Variants in FAM135B observed in about 807,000 individuals in gnomAD.
The protein encoded by FAM135B is protein FAM135B.
A neutral mutation model predicts 127.7 loss-of-function variants in FAM135B; 43 were observed. The observed-to-expected ratio is 0.34, with a 90% CI of 0.26 to 0.43. The LOEUF is 0.43. Ranked by LOEUF, FAM135B falls within the 20% of genes least tolerant of loss-of-function variation. The pLI is 1.00. For missense variants in FAM135B, 1,558 were observed against 1,725.6 expected (o/e 0.90, Z 1.72); for synonymous variants, 670 against 665.1 (o/e 1.01, Z -0.11).
intron 14 of FAM135B, 145 bp from the exon 15 acceptor site, chr8:138,146,195 A>G: frequency 3.5e-6 from 2 of 576,408 alleles, no homozygotes; most frequent in Non-Finnish European, 6.2e-6. Context: ...TAAACAACTA[A>G]AACAGCTAGA....
intron 2 of FAM135B, among the ~76,000 whole-genome samples, chr8:138,336,922 C>T (rs1828639866): frequency 6.6e-6 from 1 of 152,190 alleles, no homozygotes; most frequent in African/African-American, 2.4e-5. Context: ...ATCAAGTGGG[C>T]TTCATCCCTG....
chr8:138,298,733 A>G (rs1825651987), intron 3 of FAM135B, among the ~76,000 whole-genome samples: 1 of 152,188 alleles, frequency 6.6e-6, no homozygotes, highest in Admixed American at 6.5e-5. Context: ...TGGCTAGGCC[A>G]TAGGCTCATT....
chr8:138,304,046 G>C (rs1434550888), intron 3 of FAM135B, among the ~76,000 whole-genome samples: 1 of 152,186 alleles, frequency 6.6e-6, no homozygotes. Flanking sequence ...ACTTATGATG[G>C]GTGTGCTGTC....
chr8:138,323,311 A>C (rs1218716440), intron 2 of FAM135B, among the ~76,000 whole-genome samples: 1 of 152,146 alleles, frequency 6.6e-6, no homozygotes, highest in Non-Finnish European at 1.5e-5. Flanking sequence ...TTCTCAGGGG[A>C]ATTACTATAC....
At chr8:138,472,558 G>T (rs2131656542) in intron 1 of FAM135B, among the ~76,000 whole-genome samples, 1 of 152,284 alleles carries the variant, frequency 6.6e-6, no homozygotes, top group South Asian at 2.1e-4. Flanking sequence ...ACAACGGAAG[G>T]AGGGTATAAT....
rs931744931 is a variant in FAM135B, at chr8:138,245,531, G to T, written c.543-2463C>A. ...TCCTTGCTGCCGCCATGTGCAGAAG[G>T]ACATGTTTGCCTCCCCTTCCACCAT... On this transcript the variant is annotated intron_variant, in intron 6 of 19. Coordinates refer to ENST00000395297, the MANE Select transcript of FAM135B (RefSeq NM_015912.4). 5.3e-5 allele frequency among the ~76,000 whole-genome samples: 8 copies of T among 152,236 alleles called. No homozygotes were observed. The East Asian group carries it at 1.4e-3, about 26-fold the overall frequency.
chr8:138,248,421 G>A (rs1469809126), intron 6 of FAM135B, among the ~76,000 whole-genome samples: 1 of 152,154 alleles, frequency 6.6e-6, no homozygotes, highest in Non-Finnish European at 1.5e-5. Context: ...AAAGCTTAGT[G>A]ACACCCACCT....
chr8:138,358,747 G>A (rs928853780), intron 2 of FAM135B, among the ~76,000 whole-genome samples: 4 of 152,060 alleles, frequency 2.6e-5, no homozygotes, highest in East Asian at 1.9e-4. Flanking sequence ...AGTGAGAACC[G>A]TCAAGTACCT....
At chr8:138,189,113 G>A (rs1815871860) in intron 9 of FAM135B, among the ~76,000 whole-genome samples, 1 of 152,194 alleles carries the variant, frequency 6.6e-6, no homozygotes, top group Non-Finnish European at 1.5e-5. Flanking sequence ...AACAGAGAGA[G>A]GAGAAGAGGA....
intron 2 of FAM135B, among the ~76,000 whole-genome samples, chr8:138,362,283 C>CTTTTTT (rs34005300): frequency 1.0e-5 from 1 of 99,198 alleles, no homozygotes. Flanking sequence ...ACCCCCATAT[C>CTTTTTT]TTTTTTTTTT....
intron 2 of FAM135B, among the ~76,000 whole-genome samples, chr8:138,312,485 C>A (rs1054484642): frequency 1.3e-5 from 2 of 152,092 alleles, no homozygotes; most frequent in Non-Finnish European, 2.9e-5. Flanking sequence ...ATATCCCAGA[C>A]TGGATACTGG....
upstream of FAM135B, among the ~76,000 whole-genome samples, chr8:138,497,616 GCAACCCATA>G (rs1440883612): frequency 6.6e-6 from 1 of 152,140 alleles, no homozygotes; most frequent in African/African-American, 2.4e-5. Flanking sequence ...AAAGCGCTGA[GCAACCCATA>G]CCTCCAATGC....
intron 1 of FAM135B, among the ~76,000 whole-genome samples, chr8:138,409,614 G>A (rs1245406577): frequency 6.6e-6 from 1 of 152,116 alleles, no homozygotes; most frequent in Non-Finnish European, 1.5e-5. Flanking sequence ...GTTGGCTCAT[G>A]CCTGTAATCC....
intron 5 of FAM135B, among the ~76,000 whole-genome samples, chr8:138,254,301 T>G (rs1821914969): frequency 1.3e-5 from 2 of 152,218 alleles, no homozygotes; most frequent in African/African-American, 4.8e-5. Context: ...AACTACTGTT[T>G]TGTTGAACAG....
intron 1 of FAM135B, chr8:138,437,008 C>A (rs2131530553): frequency 6.6e-6 from 1 of 152,236 alleles, no homozygotes; most frequent in East Asian, 1.9e-4. Context: ...GAATAAAGTC[C>A]AAATGCTGTG....
At chr8:138,240,967 G>T (rs991615859) in intron 7 of FAM135B, among the ~76,000 whole-genome samples, 1 of 152,182 alleles carries the variant, frequency 6.6e-6, no homozygotes, top group East Asian at 1.9e-4. Context: ...TTTTCAGGCA[G>T]TAGATTCTGA....
intron 8 of FAM135B, among the ~76,000 whole-genome samples, chr8:138,196,035 G>A (rs1428870725): frequency 6.6e-6 from 1 of 152,182 alleles, no homozygotes; most frequent in African/African-American, 2.4e-5. Flanking sequence ...CTGACCTCAG[G>A]TCCCTGAACC....
intron 1 of FAM135B, among the ~76,000 whole-genome samples, chr8:138,455,711 G>GAATGGA (rs1836738559): frequency 1.3e-5 from 2 of 152,304 alleles, no homozygotes; most frequent in African/African-American, 2.4e-5. Flanking sequence ...AGGTGGGTAT[G>GAATGGA]TGGGCAGATG....
chr8:138,316,556 T>C lies in FAM135B; in HGVS notation c.78-5636A>G, dbSNP rs553351246. On this transcript the variant is annotated intron_variant, in intron 2 of 19. Coordinates refer to ENST00000395297, the MANE Select transcript of FAM135B (RefSeq NM_015912.4). ...AGATGCTACAATTCACTCATCAAAA[T>C]GACTAAAATAAAAAACATTGACAAC... Among the ~76,000 whole-genome samples the C allele has an allele frequency of 1.7e-4, 26 of 152,036 alleles. No individual in the cohort carries two copies. In the South Asian group the frequency reaches 5.4e-3, roughly 32 times the overall value.
Sources: allele counts gnomAD v4.1 joint callset (sites outside exome capture counted in the v4.1 genomes callset), GRCh38; gene constraint gnomAD v4.1.1; transcripts MANE v1.5; gene names NCBI Gene and HGNC (gene_info 2026-07-23, HGNC 2026-07-21).